CNGB3: variants seen among roughly 807,000 people sequenced by gnomAD.
CNGB3 encodes the protein cyclic nucleotide-gated channel beta-3.
CNGB3 carries 86 observed loss-of-function variants against 92.8 expected under a neutral mutation model. The observed-to-expected ratio is 0.93, with a 90% CI of 0.78 to 1.11. The LOEUF (loss-of-function observed/expected upper bound fraction) is 1.11, where lower values mean the gene tolerates loss of function less well. Ranked by LOEUF, CNGB3 falls within the 50% of genes least tolerant of loss-of-function variation. The pLI is 0.00. For missense variants in CNGB3, 1,026 were observed against 956.8 expected, an observed-to-expected ratio of 1.07 and a Z score of -0.95; for synonymous variants, 333 against 332.7, an observed-to-expected ratio of 1.00 and a Z score of -0.01.
intron 6 of CNGB3, chr8:86,658,301 C>T (rs1823560223): frequency 2.0e-6 from 1 of 505,970 alleles, no homozygotes; most frequent in South Asian, 1.9e-5. Context: ...CCCGACTCTC[C>T]AGTTCCTCCG....
chr8:86,652,725 A>T (rs1823430505), intron 7 of CNGB3, among the ~76,000 whole-genome samples: 1 of 152,048 alleles, frequency 6.6e-6, no homozygotes, highest in African/African-American at 2.4e-5. Context: ...AGGCTCCATA[A>T]CATGGGTGGA....
At position 86,739,674 on chromosome 8, in the gene CNGB3, C is replaced by A. The variant is rs892102896; in HGVS notation, c.192G>T (p.Glu64Asp). 2.5e-6 allele frequency: 4 copies of A among 1,598,220 alleles called. No individual in the cohort carries two copies. The highest frequency in any genetic ancestry group is 3.4e-6 in the Non-Finnish European group (4 of 1,174,908). Reference protein sequence around the residue: ...KTKSTPVTSEEPHTNIQDKLS... With the variant: ...KTKSTPVTSEDPHTNIQDKLS... ...TCTGACCTTGTATGTTGGTGTGTGG[C>A]TCTTCAGACGTGACTGGAGTTGACT... The change falls in exon 2 of 18, where the codon GAG becomes GAT. Residue 64 changes from glutamate to aspartate, a missense_variant. Physicochemically the swap from Glu to Asp is conservative, Grantham distance 45. Coordinates refer to ENST00000320005, the MANE Select transcript of CNGB3 (RefSeq NM_019098.5).
At chr8:86,699,775 G>A (rs549478877) in intron 3 of CNGB3, among the ~76,000 whole-genome samples, 4 of 152,278 alleles carry the variant, frequency 2.6e-5, no homozygotes, top group Non-Finnish European at 5.9e-5. Flanking sequence ...TCCAAGTATG[G>A]TATTTGAAAA....
Position 86,686,936 on chromosome 8 carries a change from G to C in CNGB3, c.339-15838C>G, listed in dbSNP as rs562386724. Among the ~76,000 whole-genome samples, 7 of 152,104 alleles carry C rather than the reference G, an allele frequency of 4.6e-5. No individual in the cohort carries two copies. In the South Asian group the frequency reaches 1.5e-3, roughly 32 times the overall value. ...ATGTCTCTTTTAAAGAAAAACAATAGAAAATTATAAATTCTAATTTCAACA... is the reference window on the plus strand; with the variant it reads ...ATGTCTCTTTTAAAGAAAAACAATACAAAATTATAAATTCTAATTTCAACA... On this transcript the variant is annotated intron_variant, in intron 3 of 17. Transcript: ENST00000320005.
intron 10 of CNGB3, among the ~76,000 whole-genome samples, chr8:86,639,471 C>A (rs1027133967): frequency 6.6e-6 from 1 of 151,962 alleles, no homozygotes; most frequent in Non-Finnish European, 1.5e-5. Context: ...TCATAATAAA[C>A]TTGACTTATT....
chr8:86,660,207 A>G, intron 6 of CNGB3: 1 of 306,876 alleles, frequency 3.3e-6, no homozygotes, highest in South Asian at 3.4e-5. Context: ...TCTTGTACCT[A>G]CACCAGAGTT....
In CNGB3 at chr8:86,599,377, G is replaced by T. The variant is rs183372778; in HGVS notation, c.1781+4716C>A. The stretch of plus-strand genomic sequence containing the variant: ...CGTTAACTGCACAAATTGTTGTAGA[G>T]CTTGTGTGTTTGAACAATATGAAAT... On this transcript the variant is annotated intron_variant, in intron 15 of 17. Transcript: ENST00000320005. 2.2e-3 allele frequency among the ~76,000 whole-genome samples: 334 copies of T among 152,266 alleles called. 2 individuals carry two copies. Among genetic ancestry groups the T allele is most frequent in the Non-Finnish European group, 2.4e-3 (165 of 68,022 alleles).
At chr8:86,578,992 A>C (rs1821711132) in intron 16 of CNGB3, 114 bp downstream of exon 16, 1 of 1,539,820 alleles carries the variant, frequency 6.5e-7, no homozygotes, top group Admixed American at 1.7e-5. Context: ...TTGTTCATTA[A>C]GCATATCTCA....
intron 6 of CNGB3, chr8:86,658,099 C>T (rs1823551782): frequency 1.9e-6 from 1 of 527,922 alleles, no homozygotes. Context: ...GTGGGCCTCC[C>T]CACACACAGA....
rs753557237 is a variant in CNGB3 at position 86,621,892 on chromosome 8, G to T, written c.1578+4091C>A. On this transcript the variant is annotated intron_variant, in intron 13 of 17. Transcript: ENST00000320005. The stretch of plus-strand genomic sequence containing the variant: ...ATCCTGGCCAACATGGTGAAACCCT[G>T]TCTCTGCTAAAAATACAAAAATTAG... 7.2e-5 allele frequency among the ~76,000 whole-genome samples: 11 copies of T among 152,082 alleles called. 1 individual carries two copies. Among genetic ancestry groups the T allele is most frequent in the Non-Finnish European group, 1.6e-4 (11 of 68,002 alleles).
intron 8 of CNGB3, among the ~76,000 whole-genome samples, chr8:86,647,140 T>G (rs1009081465): frequency 1.3e-5 from 2 of 151,138 alleles, no homozygotes; most frequent in Non-Finnish European, 3.0e-5. Context: ...GCAATTTATC[T>G]TGAAGTTTTT....
intron 3 of CNGB3, among the ~76,000 whole-genome samples, chr8:86,676,588 T>C (rs1823973141): frequency 6.6e-6 from 1 of 152,120 alleles, no homozygotes; most frequent in Non-Finnish European, 1.5e-5. Context: ...GGAGGAAGTG[T>C]GACTTGAAGA....
intron 15 of CNGB3, among the ~76,000 whole-genome samples, chr8:86,579,684 A>G (rs912685869): frequency 4.7e-4 from 71 of 152,326 alleles, no homozygotes; most frequent in African/African-American, 1.6e-3. Context: ...CTAATAGGAA[A>G]TCAGAAAGCA....
intron 6 of CNGB3, among the ~76,000 whole-genome samples, chr8:86,666,503 G>A (rs1253542568): frequency 1.3e-5 from 2 of 152,146 alleles, no homozygotes; most frequent in Non-Finnish European, 2.9e-5. Flanking sequence ...ATTTGTAAAT[G>A]GGGCTAATTA....
chr8:86,721,804 C>G (rs556333448), intron 3 of CNGB3, among the ~76,000 whole-genome samples: 1 of 152,060 alleles, frequency 6.6e-6, no homozygotes, highest in Non-Finnish European at 1.5e-5. Context: ...CATTCCTTTT[C>G]TATTTCAACT....
Position 86,629,088 on chromosome 8 carries a change from C to T in CNGB3, c.1321-10G>A. ...CAATCACATCTCTCATCTAAAACCACAAATATGGTCACTCCACGCCCAGCA... is the reference window on the plus strand; with the variant it reads ...CAATCACATCTCTCATCTAAAACCATAAATATGGTCACTCCACGCCCAGCA... On this transcript the variant is annotated splice_polypyrimidine_tract_variant and intron_variant, in intron 11 of 17. Coordinates refer to ENST00000320005, the MANE Select transcript of CNGB3 (RefSeq NM_019098.5). 3.7e-6 allele frequency: 6 copies of T among 1,613,904 alleles called. No homozygotes were observed. The South Asian group carries it at 6.6e-5, about 18-fold the overall frequency.
intron 1 of CNGB3, 108 bp from the exon 2 acceptor site, chr8:86,739,844 T>C (rs1318238885): frequency 1.9e-5 from 24 of 1,289,566 alleles, no homozygotes; most frequent in East Asian, 9.7e-5. Flanking sequence ...ATCATTAAAA[T>C]TGACTGTTTA....
intron 3 of CNGB3, among the ~76,000 whole-genome samples, chr8:86,675,790 G>A (rs1823955365): frequency 6.6e-6 from 1 of 152,122 alleles, no homozygotes; most frequent in Non-Finnish European, 1.5e-5. Flanking sequence ...AAAGGTACAA[G>A]GGAAACTCAT....
chr8:86,578,625 T>G, intron 17 of CNGB3, 64 bp downstream of exon 17: 4 of 1,482,150 alleles, frequency 2.7e-6, no homozygotes, highest in Non-Finnish European at 3.8e-6. Flanking sequence ...AGTGGGCGTT[T>G]GTGTGTATAT....
Sources: allele counts gnomAD v4.1 joint callset (sites outside exome capture counted in the v4.1 genomes callset), GRCh38; gene constraint gnomAD v4.1.1; transcripts MANE v1.5; gene names NCBI Gene and HGNC (gene_info 2026-07-23, HGNC 2026-07-21).